The following OSMR variants were observed in gnomAD, a reference collection of about 807,000 sequenced individuals.
OSMR encodes oncostatin-M-specific receptor subunit beta.
Under a neutral mutation model 99.9 loss-of-function variants are expected in OSMR, and 81 were observed. The observed-to-expected ratio is 0.81, with a 90% CI of 0.68 to 0.97. The LOEUF (loss-of-function observed/expected upper bound fraction) is 0.97. Among genes scored for constraint, OSMR ranks in the 50% least tolerant of loss-of-function variants. The probability of loss-of-function intolerance (pLI) is 0.00; values close to 1 mark genes in which losing one functional copy is unlikely to be tolerated. For missense variants in OSMR, 1,099 were observed against 1,153.4 expected (o/e 0.95, Z 0.68); for synonymous variants, 406 against 410.4 (o/e 0.99, Z 0.13).
chr5:38,922,780 G>A (rs536068023), intron 12 of OSMR, among the ~76,000 whole-genome samples: 1 of 151,986 alleles, frequency 6.6e-6, no homozygotes, highest in African/African-American at 2.4e-5. Flanking sequence ...ATTCTTTTTT[G>A]GGGGGTGTGG....
At chr5:38,888,991 T>A (rs547381938) in intron 7 of OSMR, among the ~76,000 whole-genome samples, 1 of 152,318 alleles carries the variant, frequency 6.6e-6, no homozygotes, top group East Asian at 1.9e-4. Context: ...ATTTTATTGT[T>A]GCATTTTTTT....
intron 9 of OSMR, among the ~76,000 whole-genome samples, chr5:38,908,139 A>T (rs1351270902): frequency 6.6e-6 from 1 of 152,142 alleles, no homozygotes; most frequent in African/African-American, 2.4e-5. Flanking sequence ...ACCAGCACAC[A>T]GACAACCACG....
chr5:38,899,020 G>A (rs1258806034), intron 7 of OSMR, among the ~76,000 whole-genome samples: 1 of 140,394 alleles, frequency 7.1e-6, no homozygotes, highest in Non-Finnish European at 1.5e-5. Flanking sequence ...GAGTGCAGTG[G>A]TGCGATTTTA....
chr5:38,945,387 G>T, downstream of OSMR: 1 of 747,150 alleles, frequency 1.3e-6, no homozygotes, highest in African/African-American at 1.8e-5. Context: ...CAGCTCACCA[G>T]CTGGGAAACT....
chr5:38,891,407 TC>T (rs1744149137), intron 7 of OSMR, among the ~76,000 whole-genome samples: 1 of 152,114 alleles, frequency 6.6e-6, no homozygotes, highest in African/African-American at 2.4e-5. Context: ...AACAAAATGG[TC>T]TATAAATACT....
intron 1 of OSMR, among the ~76,000 whole-genome samples, chr5:38,943,476 G>A (rs1747822866): frequency 6.6e-6 from 1 of 151,940 alleles, no homozygotes; most frequent in Non-Finnish European, 1.5e-5. Context: ...GTGGGACCCT[G>A]ATACCTATGT....
intron 3 of OSMR, among the ~76,000 whole-genome samples, chr5:38,877,933 G>A (rs1057166481): frequency 6.6e-6 from 1 of 152,120 alleles, no homozygotes; most frequent in East Asian, 1.9e-4. Context: ...AGCTAGTGTG[G>A]ACTATTTCTG....
intron 9 of OSMR, among the ~76,000 whole-genome samples, chr5:38,905,664 A>G (rs1486696719): frequency 6.6e-6 from 1 of 152,170 alleles, no homozygotes. Context: ...TGGTTCAGCC[A>G]GGCACTGACT....
Position 38,932,963 on chromosome 5 carries a change from T to A in OSMR, c.2459T>A (p.Phe820Tyr), listed in dbSNP as rs750439199. 9.9e-6 allele frequency: 16 copies of A among 1,614,066 alleles called. No individual in the cohort carries two copies. Among genetic ancestry groups the A allele is most frequent in the African/African-American group, 1.3e-5 (1 of 74,932 alleles). ...VSKPEGTKIQ[F>Y]LGTRKSLTET... ...AAGCCAGAAGGGACAAAGATACAGTTCCTAGGCACTAGGAAGTCACTCACA... is the reference window on the plus strand; with the variant it reads ...AAGCCAGAAGGGACAAAGATACAGTACCTAGGCACTAGGAAGTCACTCACA... Residue 820 changes from phenylalanine (F) to tyrosine (Y), a missense_variant, in exon 18 of 18, where the codon TTC becomes TAC. Coordinates refer to ENST00000274276, the MANE Select transcript of OSMR (RefSeq NM_003999.3).
rs62352599 is a variant in OSMR at position 38,877,712 on chromosome 5, T to C, written c.246+1339T>C. On this transcript the variant is annotated intron_variant, in intron 3 of 17. Coordinates refer to ENST00000274276, the MANE Select transcript of OSMR (RefSeq NM_003999.3). The stretch of plus-strand genomic sequence containing the variant: ...TGGAGGAATTGTGGAAAACTAGCAC[T>C]TAGCACCGTTAGCAAAAATAACATT... Among the ~76,000 whole-genome samples the C allele has an allele frequency of 3.3e-3, 501 of 152,318 alleles. 1 individual carries two copies. The highest frequency in any genetic ancestry group is 5.6e-3 in the Non-Finnish European group (378 of 68,018).
In OSMR at chr5:38,874,090, T is replaced by C. The variant is rs113121065; in HGVS notation, c.74-2111T>C. Reference sequence around the variant, plus strand: ...AGTTCTTTGTCTTTTTGTTGCTGGTTTGTAAGAGTTCTTTATGTAGTATGG... The same window carrying C: ...AGTTCTTTGTCTTTTTGTTGCTGGTCTGTAAGAGTTCTTTATGTAGTATGG... On this transcript the variant is annotated intron_variant, in intron 2 of 17. Coordinates refer to ENST00000274276, the MANE Select transcript of OSMR (RefSeq NM_003999.3). Among the ~76,000 whole-genome samples the C allele has an allele frequency of 3.9e-4, 60 of 152,310 alleles. 1 individual carries two copies. The highest frequency in any genetic ancestry group is 1.4e-3 in the African/African-American group (60 of 41,554).
intron 7 of OSMR, among the ~76,000 whole-genome samples, chr5:38,887,754 A>G (rs967159676): frequency 4.6e-5 from 7 of 152,110 alleles, no homozygotes; most frequent in African/African-American, 1.7e-4. Flanking sequence ...ATTTGCACTT[A>G]ATCTATAAAT....
chr5:38,916,015 T>C (rs1452270298), intron 9 of OSMR, among the ~76,000 whole-genome samples: 1 of 152,204 alleles, frequency 6.6e-6, no homozygotes, highest in Non-Finnish European at 1.5e-5. Context: ...TTAAATTCTC[T>C]TTTGACTACT....
intron 9 of OSMR, among the ~76,000 whole-genome samples, chr5:38,908,939 A>G (rs1745406850): frequency 6.6e-6 from 1 of 152,342 alleles, no homozygotes; most frequent in African/African-American, 2.4e-5. Flanking sequence ...AAATGACAGA[A>G]TTAGAATTCA....
chr5:38,863,393 T>C (rs1397285562), intron 1 of OSMR, among the ~76,000 whole-genome samples: 3 of 151,018 alleles, frequency 2.0e-5, no homozygotes, highest in Admixed American at 2.0e-4. Context: ...AAAAATTAGC[T>C]GGGCATGGTG....
chr5:38,938,963 T>C (rs1167961924), downstream of OSMR: 1 of 232,934 alleles, frequency 4.3e-6, no homozygotes, highest in Admixed American at 5.6e-5. Flanking sequence ...GAGACAAAAG[T>C]GGAAGCATAA....
At chr5:38,867,289 C>T (rs547113244) in intron 1 of OSMR, among the ~76,000 whole-genome samples, 14 of 152,288 alleles carry the variant, frequency 9.2e-5, no homozygotes, top group African/African-American at 3.4e-4. Context: ...ACAGGTCTGA[C>T]CACCCTAGAA....
intron 9 of OSMR, among the ~76,000 whole-genome samples, chr5:38,907,889 A>G (rs760889121): frequency 1.1e-4 from 17 of 152,154 alleles, no homozygotes; most frequent in Non-Finnish European, 1.6e-4. Flanking sequence ...GTGTGCACAT[A>G]TCCCACTGCT....
intron 3 of OSMR, among the ~76,000 whole-genome samples, chr5:38,878,899 A>C (rs922083238): frequency 1.3e-5 from 2 of 152,230 alleles, no homozygotes; most frequent in Non-Finnish European, 2.9e-5. Context: ...AACTCATTGC[A>C]TATTAATGAA....
Sources: gnomAD v4.1 joint callset for allele counts (sites outside exome capture counted in the v4.1 genomes callset) on GRCh38, gnomAD v4.1.1 for gene constraint, MANE v1.5 for transcripts, NCBI Gene and HGNC (gene_info 2026-07-23, HGNC 2026-07-21) for gene names.